The following XYLT2 variants were observed in gnomAD, a reference collection of about 807,000 sequenced individuals.
The protein encoded by XYLT2 is xylosyltransferase 2.
XYLT2 carries 37 observed loss-of-function variants against 82.6 expected under a neutral mutation model. The observed-to-expected ratio is 0.45, with a 90% CI of 0.34 to 0.59. The LOEUF (loss-of-function observed/expected upper bound fraction) is 0.59. XYLT2 is among the 20% of genes least tolerant of loss of function. The probability of loss-of-function intolerance (pLI) is 0.01; values close to 1 mark genes in which losing one functional copy is unlikely to be tolerated. For synonymous variants in XYLT2, 474 were observed against 499.0 expected (o/e 0.95, Z 0.67); for missense variants, 934 against 1,181.3 (o/e 0.79, Z 3.07).
intron 10 of XYLT2, 163 bp from the exon 11 acceptor site, chr17:50,359,806 A>G (rs1912720412): frequency 1.6e-6 from 1 of 641,852 alleles, no homozygotes; most frequent in Non-Finnish European, 2.7e-6. Context: ...ACTCAGTTTT[A>G]TAGGCACAGA....
chr17:50,353,579 C>G (rs1912356959), intron 1 of XYLT2, 51 bp from the exon 2 acceptor site: 8 of 1,526,446 alleles, frequency 5.2e-6, no homozygotes, highest in Non-Finnish European at 4.4e-6. Context: ...ACTCAAGGAA[C>G]AGGAGGAGGT....
chr17:50,357,955 C>A, intron 9 of XYLT2: 2 of 491,966 alleles, frequency 4.1e-6, no homozygotes, highest in Non-Finnish European at 3.6e-6. Context: ...GAACCTCATC[C>A]CTGCCGTATT....
At chr17:50,355,403 C>T (rs1912476125) in intron 4 of XYLT2, 98 bp from the exon 5 acceptor site, 1 of 1,347,330 alleles carries the variant, frequency 7.4e-7, no homozygotes, top group Non-Finnish European at 1.1e-6. Context: ...CATGGCCAGC[C>T]AGCAATCAGG....
Position 50,346,247 on chromosome 17 carries a change from GC to G in XYLT2, c.108del (p.Ser36ArgfsTer64). 1 of 1,228,018 alleles carries G rather than the reference GC, an allele frequency of 8.1e-7. No individual in the cohort carries two copies. The highest frequency in any genetic ancestry group is 1.0e-6 in the Non-Finnish European group (1 of 958,606). The allele number at this position is 1,228,018 out of a possible 1,614,324, so 76.1% of individuals were successfully genotyped here. On this transcript the variant is annotated frameshift_variant, in exon 1 of 11. Transcript: ENST00000017003. LOFTEE classifies it high-confidence loss of function. This position sits in a 1 kb window ranked among gnomAD's most constrained non-coding sequence, Gnocchi z 5.1. The stretch of plus-strand genomic sequence containing the variant: ...CAGGGCCTGGTAGTGTGGAGCTTCA[GC>G]GGCCTGGAGGAGGACGAGGCGGGCG... The part of the protein sequence containing the change: ...LLQGLVVWSF[S>X]GLEEDEAGEK...
chr17:50,350,056 A>T (rs1912193006), intron 1 of XYLT2, among the ~76,000 whole-genome samples: 1 of 148,792 alleles, frequency 6.7e-6, no homozygotes, highest in Non-Finnish European at 1.5e-5. Context: ...GGTGGCACAT[A>T]CCTGTAATCC....
At position 50,346,138 on chromosome 17, in the gene XYLT2, A is replaced by C; in HGVS notation, c.-3A>C. On this transcript the variant is annotated 5_prime_UTR_variant, in exon 1 of 11. Transcript: ENST00000017003. The surrounding 1 kb of genome is among the most constrained non-coding windows in gnomAD (Gnocchi z 5.1). ...GCGCGCGCCCCGCGTCCCGGGCAGG[A>C]AGATGGTGGCGAGCGCGCGAGTGCA... The C allele has an allele frequency of 8.1e-7, 1 of 1,240,400 alleles. No individual in the cohort carries two copies. Among genetic ancestry groups the C allele is most frequent in the Non-Finnish European group, 1.0e-6 (1 of 967,312 alleles). 76.8% of individuals were successfully genotyped at this position (1,240,400 alleles called of 1,614,324 possible). A position where few individuals can be genotyped will look rare whatever the true frequency, so the allele number is the denominator to read the frequency against.
intron 1 of XYLT2, among the ~76,000 whole-genome samples, chr17:50,348,279 C>T (rs1243922515): frequency 5.3e-5 from 8 of 152,104 alleles, no homozygotes; most frequent in Non-Finnish European, 1.5e-5. Flanking sequence ...AAGGGGTTGG[C>T]TTAGATCAGG....
intron 1 of XYLT2, among the ~76,000 whole-genome samples, chr17:50,353,252 G>A (rs1912344696): frequency 6.6e-6 from 1 of 152,156 alleles, no homozygotes; most frequent in South Asian, 2.1e-4. Context: ...GTCTTAGGTG[G>A]ACACTTGTAC....
chr17:50,348,532 C>T (rs952963774), intron 1 of XYLT2, among the ~76,000 whole-genome samples: 2 of 152,202 alleles, frequency 1.3e-5, no homozygotes, highest in South Asian at 2.1e-4. Flanking sequence ...GCATTTAAGA[C>T]GTGCACTCTG....
In XYLT2 at chr17:50,354,950, G is replaced by A; in HGVS notation, c.901G>A (p.Ala301Thr). 6.3e-7 allele frequency: 1 copy of A among 1,591,896 alleles called. No individual in the cohort carries two copies. Among genetic ancestry groups the A allele is most frequent in the Non-Finnish European group, 8.6e-7 (1 of 1,168,662 alleles). ...PWRMVTIWGG[A>T]SLLRMYLRSM... ...GCGCATGGTTACCATCTGGGGCGGG[G>A]CCAGCCTCCTGAGGATGTACCTGCG... is the stretch of plus-strand genomic sequence containing the variant. The change falls in exon 4 of 11, where the codon GCC becomes ACC. Residue 301 changes from alanine (A) to threonine (T), a missense_variant. Around this residue, in one of 3 missense-constraint regions of XYLT2, gnomAD observed 189 missense variants for 320.8 expected, o/e 0.59. Coordinates refer to ENST00000017003, the MANE Select transcript of XYLT2 (RefSeq NM_022167.4).
rs1045074700 is a variant in XYLT2, at chr17:50,360,786, C to A, written c.*495C>A. 1.8e-5 allele frequency: 18 copies of A among 986,050 alleles called. No homozygotes were observed. The highest frequency in any genetic ancestry group is 1.9e-5 in the Non-Finnish European group (16 of 830,030). 61.1% of individuals were successfully genotyped at this position (986,050 alleles called of 1,614,324 possible). A position where few individuals can be genotyped will look rare whatever the true frequency, so the allele number is the denominator to read the frequency against. The stretch of plus-strand genomic sequence containing the variant: ...TGCCCCATTCTGGGCCTGTGGTGCT[C>A]GTGGCTGAGGCTCCACAGGGCTGCA... On this transcript the variant is annotated 3_prime_UTR_variant, in exon 11 of 11. Coordinates refer to ENST00000017003, the MANE Select transcript of XYLT2 (RefSeq NM_022167.4).
chr17:50,355,179 A>G (rs1048091478), intron 4 of XYLT2, 123 bp downstream of exon 4: 11 of 1,107,118 alleles, frequency 9.9e-6, no homozygotes, highest in South Asian at 1.6e-5. Context: ...CGCCCTGCTC[A>G]GACATGGGCC....
At position 50,346,981 on chromosome 17, in the gene XYLT2, C is replaced by T. The variant is rs1004253814; in HGVS notation, c.135+706C>T. The T allele has an allele frequency of 1.0e-6, 1 of 971,984 alleles. No homozygotes were observed. Among genetic ancestry groups the T allele is most frequent in the African/African-American group, 1.8e-5 (1 of 57,064 alleles). The allele number at this position is 971,984 out of a possible 1,614,324, so 60.2% of individuals were successfully genotyped here. A position where few individuals can be genotyped will look rare whatever the true frequency, so the allele number is the denominator to read the frequency against. ...AGGGAATTAGGGAGGGGCCCTCTGG[C>T]TTTAAGGGAATGGGGACTGTAACAG... On this transcript the variant is annotated intron_variant, in intron 1 of 10. Coordinates refer to ENST00000017003, the MANE Select transcript of XYLT2 (RefSeq NM_022167.4). This position sits in a 1 kb window ranked among gnomAD's most constrained non-coding sequence, Gnocchi z 5.1.
Position 50,355,588 on chromosome 17 carries a change from G to A in XYLT2, c.1088+7G>A. The A allele has an allele frequency of 1.2e-6, 2 of 1,614,052 alleles. 1 individual carries two copies. Among genetic ancestry groups the A allele is most frequent in the Middle Eastern group, 3.3e-4 (2 of 6,062 alleles). ...ATGGCCGGGACAACTCCAGGTGAGG[G>A]GGTGGGGAAGGAGGCCCTGGCCCCA... On this transcript the variant is annotated splice_region_variant and intron_variant, in intron 5 of 10. Transcript: ENST00000017003.
chr17:50,358,304 G>C lies in XYLT2; in HGVS notation c.2039G>C (p.Arg680Pro), dbSNP rs139687876. Residue 680 changes from arginine (R) to proline (P), a missense_variant, in exon 10 of 11, where the codon CGG (arginine) becomes CCG (proline). By Grantham distance (103) the Arg-to-Pro change is moderately radical. Coordinates refer to ENST00000017003, the MANE Select transcript of XYLT2 (RefSeq NM_022167.4). ...CCTGTGGCCGTGCAGCGCTGGGCCC[G>C]GGGCCCCAACCTCACAGCCACAGTG... ...DEPVAVQRWA[R>P]GPNLTATVVW... The C allele has an allele frequency of 6.2e-7, 1 of 1,613,854 alleles. No individual in the cohort carries two copies. The highest frequency in any genetic ancestry group is 8.5e-7 in the Non-Finnish European group (1 of 1,180,040).
At position 50,360,714 on chromosome 17, in the gene XYLT2, C is replaced by T; in HGVS notation, c.*423C>T. On this transcript the variant is annotated 3_prime_UTR_variant, in exon 11 of 11. Transcript: ENST00000017003. ...AGCAGGGGCTTGCTGAGCCCACCTGCTATTGTTCTGCACGAGGCTGGGCCT... is the reference window on the plus strand; with the variant it reads ...AGCAGGGGCTTGCTGAGCCCACCTGTTATTGTTCTGCACGAGGCTGGGCCT... 1.0e-6 allele frequency: 1 copy of T among 992,132 alleles called. No individual in the cohort carries two copies. Among genetic ancestry groups the T allele is most frequent in the South Asian group, 4.6e-5 (1 of 21,524 alleles). 61.5% of individuals were successfully genotyped at this position (992,132 alleles called of 1,614,324 possible).
chr17:50,360,624 A>G lies in XYLT2; in HGVS notation c.*333A>G, dbSNP rs1443006165. ...AAGGAAAATGGGTGGTTGGGAGAGA[A>G]ACTAGAACAGAAGATGTGCAATAGG... On this transcript the variant is annotated 3_prime_UTR_variant, in exon 11 of 11. Coordinates refer to ENST00000017003, the MANE Select transcript of XYLT2 (RefSeq NM_022167.4). 3 of 1,058,094 alleles carry G rather than the reference A, an allele frequency of 2.8e-6. No individual in the cohort carries two copies. Among genetic ancestry groups the G allele is most frequent in the Non-Finnish European group, 3.4e-6 (3 of 878,224 alleles). The allele number at this position is 1,058,094 out of a possible 1,614,324, so 65.5% of individuals were successfully genotyped here. A position where few individuals can be genotyped will look rare whatever the true frequency, so the allele number is the denominator to read the frequency against.
intron 4 of XYLT2, among the ~76,000 whole-genome samples, chr17:50,355,257 A>G (rs1255426431): frequency 6.6e-6 from 1 of 152,064 alleles, no homozygotes; most frequent in African/African-American, 2.4e-5. Flanking sequence ...GCATGATAGG[A>G]GATGGGGAGG....
At chr17:50,358,621 A>T (rs1159477413) in intron 10 of XYLT2, 81 bp downstream of exon 10, 37 of 1,396,060 alleles carry the variant, frequency 2.7e-5, no homozygotes, top group Non-Finnish European at 3.4e-5. Context: ...GAAGCCAACC[A>T]TCAGAGCTGA....
Sources: allele counts gnomAD v4.1 joint callset (sites outside exome capture counted in the v4.1 genomes callset), GRCh38; gene constraint gnomAD v4.1.1; regional missense constraint gnomAD v4.1.1; non-coding constraint Gnocchi (gnomAD v3.1); transcripts MANE v1.5; gene names NCBI Gene and HGNC (gene_info 2026-07-23, HGNC 2026-07-21).